Variants in LARGE1 observed in about 807,000 individuals in gnomAD.
LARGE1 encodes the protein LARGE xylosyl- and glucuronyltransferase 1.
In LARGE1, 43 loss-of-function variants were observed where a neutral mutation model predicts 87.6. The observed-to-expected ratio is 0.49, with a 90% confidence interval of 0.38 to 0.63. The LOEUF is 0.63. Ranked by LOEUF, LARGE1 falls within the 30% of genes least tolerant of loss-of-function variation. LARGE1 has a pLI of 0.00. For missense variants in LARGE1, 802 were observed against 1,000.2 expected, an observed-to-expected ratio of 0.80 and a Z score of 2.67; for synonymous variants, 434 against 394.6, an observed-to-expected ratio of 1.10 and a Z score of -1.18.
At chr22:33,711,174 GGAGA>G (rs1290540035) in intron 2 of LARGE1, among the ~76,000 whole-genome samples, 3 of 152,170 alleles carry the variant, frequency 2.0e-5, no homozygotes, top group Non-Finnish European at 4.4e-5. Flanking sequence ...AAGCAAGGCA[GGAGA>G]GAGAAGAGCC....
downstream of LARGE1, among the ~76,000 whole-genome samples, chr22:33,158,309 C>T (rs188246476): frequency 1.3e-5 from 2 of 152,102 alleles, no homozygotes; most frequent in East Asian, 3.9e-4. Flanking sequence ...AAATTTAAAT[C>T]TTTTGAAACA....
intron 11 of LARGE1, among the ~76,000 whole-genome samples, 160 bp downstream of exon 11, chr22:33,315,925 G>A (rs1223409370): frequency 6.6e-6 from 1 of 152,126 alleles, no homozygotes; most frequent in Non-Finnish European, 1.5e-5. Context: ...ACCGTGCCCG[G>A]CCCAGGCTTC....
At chr22:33,247,214 TA>T (rs34383870) in intron 11 of LARGE1, among the ~76,000 whole-genome samples, 21 of 152,166 alleles carry the variant, frequency 1.4e-4, no homozygotes, top group African/African-American at 5.1e-4. Flanking sequence ...AAGTGAGGCA[TA>T]AAAAGGAAAT....
downstream of LARGE1, among the ~76,000 whole-genome samples, chr22:33,159,566 T>G (rs1317608501): frequency 1.3e-5 from 2 of 151,818 alleles, no homozygotes; most frequent in Non-Finnish European, 2.9e-5. Flanking sequence ...TGCCTCTTGG[T>G]ACCTAAATCA....
chr22:33,284,498 C>T (rs941242874), intron 12 of LARGE1, among the ~76,000 whole-genome samples: 37 of 152,116 alleles, frequency 2.4e-4, no homozygotes, highest in African/African-American at 8.7e-4. Flanking sequence ...TGCCTTTTCT[C>T]AGCTCTGTGG....
chr22:33,070,749 C>A, the LARGE1 span, among the ~76,000 whole-genome samples: 1 of 152,152 alleles, frequency 6.6e-6, no homozygotes, highest in Non-Finnish European at 1.5e-5. Flanking sequence ...TGAGGGGAAT[C>A]TTCAAGAACA....
At chr22:33,260,207 C>T (rs1332123745) in intron 11 of LARGE1, among the ~76,000 whole-genome samples, 2 of 152,226 alleles carry the variant, frequency 1.3e-5, no homozygotes, top group African/African-American at 4.8e-5. Context: ...GCCTCCTGAC[C>T]CACCCTGGCG....
At chr22:33,805,078 C>T (rs1000789105) in intron 1 of LARGE1, among the ~76,000 whole-genome samples, 1 of 152,202 alleles carries the variant, frequency 6.6e-6, no homozygotes, top group Non-Finnish European at 1.5e-5. Context: ...GGACAGCTCC[C>T]GAACTCCACC....
intron 1 of LARGE1, among the ~76,000 whole-genome samples, chr22:33,916,206 G>A (rs537474945): frequency 1.2e-4 from 18 of 152,092 alleles, no homozygotes; most frequent in East Asian, 7.8e-4. Context: ...GCTTGAACCC[G>A]GGAGGCGGAG....
intron 12 of LARGE1, among the ~76,000 whole-genome samples, chr22:33,286,529 AG>A: frequency 6.6e-6 from 1 of 152,178 alleles, no homozygotes; most frequent in Non-Finnish European, 1.5e-5. Context: ...CAGGGTGAAA[AG>A]AACAAGCAAA....
intron 2 of LARGE1, among the ~76,000 whole-genome samples, chr22:33,686,696 T>C (rs912398009): frequency 6.6e-6 from 1 of 152,336 alleles, no homozygotes; most frequent in Non-Finnish European, 1.5e-5. Context: ...TTGGGGACTA[T>C]GGCGCCCTTC....
chr22:33,531,671 C>T (rs913502638), intron 6 of LARGE1, among the ~76,000 whole-genome samples: 1 of 152,200 alleles, frequency 6.6e-6, no homozygotes, highest in Non-Finnish European at 1.5e-5. Flanking sequence ...TCCTGATGAA[C>T]TTGGAATCCT....
intron 1 of LARGE1, among the ~76,000 whole-genome samples, chr22:33,803,760 A>C (rs1231919540): frequency 1.3e-5 from 2 of 152,224 alleles, no homozygotes; most frequent in East Asian, 3.9e-4. Context: ...CATGTTTACG[A>C]GGGAAGCTCA....
chr22:33,089,449 TTCTTCC>T, the LARGE1 span, among the ~76,000 whole-genome samples: 77 of 130,632 alleles, frequency 5.9e-4, 2 homozygotes, highest in Admixed American at 3.8e-3. Context: ...CTTCCTCTTC[TTCTTCC>T]TCCTCTTCCT....
chr22:33,701,964 C>T (rs369158829), intron 2 of LARGE1, among the ~76,000 whole-genome samples: 1 of 152,124 alleles, frequency 6.6e-6, no homozygotes, highest in Admixed American at 6.5e-5. Flanking sequence ...TTGTGTCTTG[C>T]GATTTTGCTA....
chr22:33,480,055 T>C (rs1012724437), intron 6 of LARGE1, among the ~76,000 whole-genome samples: 1 of 152,122 alleles, frequency 6.6e-6, no homozygotes, highest in African/African-American at 2.4e-5. Flanking sequence ...AGAATGCCTC[T>C]TATCGGTCAA....
At chr22:33,070,052 C>G in the LARGE1 span, among the ~76,000 whole-genome samples, 1 of 152,166 alleles carries the variant, frequency 6.6e-6, no homozygotes, top group Admixed American at 6.5e-5. Flanking sequence ...GAACTCCCGA[C>G]CTCAGGTGAT....
At chr22:33,360,008 G>C (rs2064326446) in intron 9 of LARGE1, among the ~76,000 whole-genome samples, 2 of 149,614 alleles carry the variant, frequency 1.3e-5, no homozygotes, top group Admixed American at 1.3e-4. Context: ...TTGCCAGTTA[G>C]AGTTCTGTAT....
At chr22:33,854,814 C>T (rs2063710661) in intron 1 of LARGE1, among the ~76,000 whole-genome samples, 1 of 152,116 alleles carries the variant, frequency 6.6e-6, no homozygotes, top group South Asian at 2.1e-4. Flanking sequence ...ATAAATGTAT[C>T]GGTGACATAT....
Sources: gnomAD v4.1 joint callset for allele counts (sites outside exome capture counted in the v4.1 genomes callset) on GRCh38, gnomAD v4.1.1 for gene constraint, MANE v1.5 for transcripts, NCBI Gene and HGNC (gene_info 2026-07-23, HGNC 2026-07-21) for gene names.